HIF1A: variants seen among roughly 807,000 people sequenced by gnomAD.
The protein encoded by HIF1A is hypoxia-inducible factor 1-alpha.
HIF1A carries 24 observed loss-of-function variants against 92.7 expected under a neutral mutation model. The observed-to-expected ratio is 0.26, with a 90% CI of 0.19 to 0.36. HIF1A has a LOEUF of 0.36. Ranked by LOEUF, HIF1A falls within the 10% of genes least tolerant of loss-of-function variation. The probability of loss-of-function intolerance (pLI) is 1.00; values close to 1 mark genes in which losing one functional copy is unlikely to be tolerated. For missense variants in HIF1A, 799 were observed against 998.5 expected, an observed-to-expected ratio of 0.80 and a Z score of 2.69; for synonymous variants, 319 against 338.7, an observed-to-expected ratio of 0.94 and a Z score of 0.64.
In HIF1A at chr14:61,706,358, T is replaced by A. The variant is rs189792086; in HGVS notation, c.35+10519T>A. Among the ~76,000 whole-genome samples the A allele has an allele frequency of 2.0e-5, 3 of 152,334 alleles. No homozygotes were observed. In the East Asian group the frequency reaches 5.8e-4, roughly 29 times the overall value. ...AGTTGCCACATTCTTCCTTAGGTCA[T>A]CTTTGAACTCTACTCATGCACTTAC... On this transcript the variant is annotated intron_variant, in intron 1 of 14. Coordinates refer to ENST00000337138, the MANE Select transcript of HIF1A (RefSeq NM_001530.4).
chr14:61,706,075 C>G, intron 1 of HIF1A, among the ~76,000 whole-genome samples: 1 of 152,054 alleles, frequency 6.6e-6, no homozygotes, highest in Non-Finnish European at 1.5e-5. Context: ...GGGTCACTGA[C>G]CTTCTTAGGT....
chr14:61,727,702 A>G (rs762546187), intron 6 of HIF1A, 47 bp downstream of exon 6: 2 of 1,303,080 alleles, frequency 1.5e-6, no homozygotes, highest in South Asian at 2.4e-5. Flanking sequence ...ATTAGTCTAC[A>G]GCATTACTGA....
chr14:61,711,365 C>T (rs1457188940), intron 1 of HIF1A, among the ~76,000 whole-genome samples: 1 of 152,030 alleles, frequency 6.6e-6, no homozygotes, highest in Non-Finnish European at 1.5e-5. Context: ...CCATTACACT[C>T]GGCTAGTAAT....
At chr14:61,699,493 A>C (rs1003102000) in intron 1 of HIF1A, among the ~76,000 whole-genome samples, 1 of 148,670 alleles carries the variant, frequency 6.7e-6, no homozygotes, top group Admixed American at 6.7e-5. Flanking sequence ...TCAGTTTATT[A>C]TGTTTGGTGG....
At chr14:61,731,424 C>T (rs778247640) in intron 6 of HIF1A, among the ~76,000 whole-genome samples, 1 of 152,120 alleles carries the variant, frequency 6.6e-6, no homozygotes, top group Non-Finnish European at 1.5e-5. Flanking sequence ...TCTCTGCCAG[C>T]GAGCTAGATA....
chr14:61,744,954 T>TA (rs1555339760), intron 13 of HIF1A, 141 bp downstream of exon 13: 1 of 499,096 alleles, frequency 2.0e-6, no homozygotes, highest in Non-Finnish European at 3.6e-6. Flanking sequence ...TGGGTTTTTT[T>TA]ACTCTGTATG....
intron 4 of HIF1A, among the ~76,000 whole-genome samples, chr14:61,722,401 C>G (rs1414021146): frequency 1.3e-5 from 2 of 151,676 alleles, no homozygotes; most frequent in African/African-American, 4.8e-5. Flanking sequence ...CTTTTTTTTC[C>G]TTTTCTTTTT....
In HIF1A at chr14:61,741,066, A is replaced by G. The variant is rs915429786; in HGVS notation, c.1971A>G (p.Ser657=). The change falls in exon 12 of 15, where the codon TCA becomes TCG. Residue 657 remains serine (S), a synonymous_variant. Coordinates refer to ENST00000337138, the MANE Select transcript of HIF1A (RefSeq NM_001530.4). ...AAGAAACTACTAGTGCCACATCATC[A>G]CCATATAGAGATACTCAAAGTCGGA... ...IHKETTSATS[S]PYRDTQSRTA... is the part of the protein sequence containing the mutation. 2 of 1,614,006 alleles carry G rather than the reference A, an allele frequency of 1.2e-6. No individual in the cohort carries two copies. The highest frequency in any genetic ancestry group is 1.7e-6 in the Non-Finnish European group (2 of 1,179,836).
intron 8 of HIF1A, among the ~76,000 whole-genome samples, chr14:61,734,898 C>CT (rs1475719737): frequency 6.6e-6 from 1 of 152,086 alleles, no homozygotes; most frequent in African/African-American, 2.4e-5. Flanking sequence ...CACCCTAGAA[C>CT]TTAAAGTATA....
intron 7 of HIF1A, 55 bp downstream of exon 7, chr14:61,732,579 C>G: frequency 1.8e-6 from 2 of 1,105,204 alleles, no homozygotes; most frequent in Non-Finnish European, 1.4e-6. Context: ...GTTGCAACCT[C>G]TGTACAGTTT....
intron 8 of HIF1A, 81 bp from the exon 9 acceptor site, chr14:61,736,808 A>G: frequency 2.1e-6 from 2 of 943,474 alleles, no homozygotes; most frequent in Non-Finnish European, 3.3e-6. Context: ...AGAATTTTTT[A>G]AGAGACCATT....
At chr14:61,744,578 G>C (rs2044753840) in intron 12 of HIF1A, 127 bp from the exon 13 acceptor site, 1 of 434,542 alleles carries the variant, frequency 2.3e-6, no homozygotes, top group African/African-American at 2.1e-5. Context: ...GATCAGGAAA[G>C]TTATCTTATG....
intron 6 of HIF1A, among the ~76,000 whole-genome samples, chr14:61,730,218 A>C (rs2044559301): frequency 6.6e-6 from 1 of 152,112 alleles, no homozygotes; most frequent in South Asian, 2.1e-4. Flanking sequence ...GGACACCCCG[A>C]CCCTTTTGGT....
chr14:61,695,826 AACG>A lies in HIF1A; in HGVS notation c.25_27del (p.Asp9del), dbSNP rs1306188430. ...CACCATGGAGGGCGCCGGCGGCGCG[AACG>A]ACAAGAAAAAGTAAGCCCATTCCCT... On this transcript the variant is annotated inframe_deletion, in exon 1 of 15. Transcript: ENST00000337138. 1.3e-6 allele frequency: 2 copies of A among 1,593,008 alleles called. No homozygotes were observed. Among genetic ancestry groups the A allele is most frequent in the Non-Finnish European group, 1.7e-6 (2 of 1,171,258 alleles).
In HIF1A at chr14:61,746,558, C is replaced by T. The variant is rs559785581; in HGVS notation, c.2330-376C>T. 7.9e-5 allele frequency among the ~76,000 whole-genome samples: 12 copies of T among 152,018 alleles called. No individual in the cohort carries two copies. In the South Asian group the frequency reaches 8.3e-4, roughly 11 times the overall value. ...AGCTCGCACTACAGACATGCCTCAC[C>T]ACACCCGGTTGCTTTTTGTAGAGAT... On this transcript the variant is annotated intron_variant, in intron 14 of 14. Coordinates refer to ENST00000337138, the MANE Select transcript of HIF1A (RefSeq NM_001530.4).
intron 5 of HIF1A, 79 bp from the exon 6 acceptor site, chr14:61,727,374 G>A (rs1566570535): frequency 5.9e-6 from 6 of 1,023,500 alleles, no homozygotes; most frequent in Non-Finnish European, 9.2e-6. Flanking sequence ...GGCCATGTCA[G>A]ACTCAACTAC....
In HIF1A at chr14:61,736,974, A is replaced by G. The variant is rs760695115; in HGVS notation, c.1114A>G (p.Thr372Ala). 2.5e-6 allele frequency: 4 copies of G among 1,613,976 alleles called. No individual in the cohort carries two copies. The East Asian group carries it at 8.9e-5, about 36-fold the overall frequency. ...KPVESSDMKM[T>A]QLFTKVESED... ...GGTTGAATCTTCAGATATGAAAATG[A>G]CTCAGCTATTCACCAAAGTTGAATC... Residue 372 changes from threonine to alanine, a missense_variant, in exon 9 of 15, where the codon ACT becomes GCT. By Grantham distance (58) the Thr-to-Ala change is moderately conservative. Transcript: ENST00000337138.
At chr14:61,736,539 C>A (rs193081219) in intron 8 of HIF1A, among the ~76,000 whole-genome samples, 1 of 152,060 alleles carries the variant, frequency 6.6e-6, no homozygotes, top group African/African-American at 2.4e-5. Flanking sequence ...CACAAGTAAC[C>A]CAGTGTTTAG....
chr14:61,720,349 C>G, intron 1 of HIF1A, 33 bp from the exon 2 acceptor site: 1 of 1,534,806 alleles, frequency 6.5e-7, no homozygotes, highest in Middle Eastern at 1.7e-4. Flanking sequence ...TATACACTTT[C>G]CATCTCGTGT....
Sources: allele counts gnomAD v4.1 joint callset (sites outside exome capture counted in the v4.1 genomes callset), GRCh38; gene constraint gnomAD v4.1.1; transcripts MANE v1.5; gene names NCBI Gene and HGNC (gene_info 2026-07-23, HGNC 2026-07-21).